Variants in RAPGEF1 observed in about 807,000 individuals in gnomAD.
RAPGEF1 encodes the protein Rap guanine nucleotide exchange factor 1.
A neutral mutation model predicts 143.3 loss-of-function variants in RAPGEF1; 33 were observed. That is an observed-to-expected ratio of 0.23 (90% CI 0.17 to 0.31). The LOEUF is 0.31. Among genes scored for constraint, RAPGEF1 ranks in the 10% least tolerant of loss-of-function variants. The probability of loss-of-function intolerance (pLI) is 1.00; values close to 1 mark genes in which losing one functional copy is unlikely to be tolerated. For synonymous variants in RAPGEF1, 629 were observed against 676.5 expected (o/e 0.93, Z 1.09); for missense variants, 1,199 against 1,645.4 (o/e 0.73, Z 4.69).
chr9:131,699,113 C>G (rs1209395949), intron 1 of RAPGEF1, among the ~76,000 whole-genome samples: 1 of 152,184 alleles, frequency 6.6e-6, no homozygotes, highest in Non-Finnish European at 1.5e-5. Context: ...CCGCAATACC[C>G]TTAACAACTA....
chr9:131,589,868 C>T lies in RAPGEF1; in HGVS notation c.2867+18G>A. The T allele has an allele frequency of 6.2e-7, 1 of 1,610,244 alleles. No individual in the cohort carries two copies. ...GCCTCCCCACTGGCCCCCAGGACCC[C>T]AAGGGTGAAGCACTCACCAGAGCTC... On this transcript the variant is annotated intron_variant, in intron 19 of 26. Transcript: ENST00000683357.
intron 10 of RAPGEF1, among the ~76,000 whole-genome samples, chr9:131,623,348 T>G (rs1961849100): frequency 6.6e-6 from 1 of 152,132 alleles, no homozygotes; most frequent in Admixed American, 6.5e-5. Context: ...GTGCCTATGG[T>G]CCCAGCTATT....
intron 22 of RAPGEF1, among the ~76,000 whole-genome samples, chr9:131,587,139 A>AACACACACACACAC (rs763365306): frequency 1.1e-5 from 1 of 87,756 alleles, no homozygotes; most frequent in African/African-American, 6.4e-5. Context: ...CTCCGTCTCA[A>AACACACACACACAC]ACACACACAC....
intron 1 of RAPGEF1, among the ~76,000 whole-genome samples, chr9:131,695,187 G>C (rs951976420): frequency 6.6e-6 from 1 of 152,140 alleles, no homozygotes; most frequent in Non-Finnish European, 1.5e-5. Flanking sequence ...ATGCATGAAC[G>C]TGCTTCTTCT....
intron 22 of RAPGEF1, among the ~76,000 whole-genome samples, chr9:131,586,368 A>C (rs55829207): frequency 0.17 from 14,857 of 86,742 alleles, 2,676 homozygotes; most frequent in East Asian, 0.23. Context: ...ACACACACAC[A>C]CACACCCACC....
chr9:131,700,432 C>G (rs1834543370), intron 1 of RAPGEF1, among the ~76,000 whole-genome samples: 1 of 152,198 alleles, frequency 6.6e-6, no homozygotes, highest in Non-Finnish European at 1.5e-5. Flanking sequence ...TGATACCTGT[C>G]ATCCAAAAGC....
chr9:131,658,834 G>A (rs1488329300), intron 1 of RAPGEF1, among the ~76,000 whole-genome samples: 2 of 152,218 alleles, frequency 1.3e-5, no homozygotes, highest in Non-Finnish European at 1.5e-5. Flanking sequence ...GCTTAACAAT[G>A]GTCTCTGCCT....
intron 1 of RAPGEF1, among the ~76,000 whole-genome samples, chr9:131,733,915 T>C (rs973470935): frequency 6.6e-6 from 1 of 152,232 alleles, no homozygotes; most frequent in Non-Finnish European, 1.5e-5. Context: ...TCAAACCGCC[T>C]CTGCCAACAG....
intron 1 of RAPGEF1, among the ~76,000 whole-genome samples, chr9:131,717,040 A>AGGGTCCCACAGCCTC (rs750673686): frequency 1.3e-5 from 2 of 152,108 alleles, no homozygotes; most frequent in African/African-American, 2.4e-5. Flanking sequence ...ATCAGTGTTG[A>AGGGTCCCACAGCCTC]GGGTCCCACA....
At chr9:131,718,152 C>A (rs920029610) in intron 1 of RAPGEF1, among the ~76,000 whole-genome samples, 3 of 152,162 alleles carry the variant, frequency 2.0e-5, no homozygotes, top group Non-Finnish European at 4.4e-5. Flanking sequence ...AGGTGCCCTA[C>A]AATATCTGGG....
rs1433854374 is a variant in RAPGEF1 at position 131,641,062 on chromosome 9, C to T, written c.494+2177G>A. Among the ~76,000 whole-genome samples the T allele has an allele frequency of 1.3e-5, 2 of 152,080 alleles. No individual in the cohort carries two copies. The highest frequency in any genetic ancestry group is 2.9e-5 in the Non-Finnish European group (2 of 68,018). ...CATTCAATGTCAATTAAGAGCCACC[C>T]CTCAATAGACAAAAAATACCCCCAG... On this transcript the variant is annotated intron_variant, in intron 4 of 26. Coordinates refer to ENST00000683357, the MANE Select transcript of RAPGEF1 (RefSeq NM_001377935.1). This position sits in a 1 kb window ranked among gnomAD's most constrained non-coding sequence, Gnocchi z 4.6.
rs534722324 is a variant in RAPGEF1 at position 131,584,276 on chromosome 9, A to C, written c.3414+35T>G. 92 of 1,556,322 alleles carry C rather than the reference A, an allele frequency of 5.9e-5. 2 individuals are homozygous for C. The South Asian group carries it at 9.6e-4, about 16-fold the overall frequency. ...TGAGGGCTGGGCGGCCCCCCTTACC[A>C]GCCACCCTCCCGCCCACGCCCCAAG... On this transcript the variant is annotated intron_variant, in intron 24 of 26. Coordinates refer to ENST00000683357, the MANE Select transcript of RAPGEF1 (RefSeq NM_001377935.1). This position sits in a 1 kb window ranked among gnomAD's most constrained non-coding sequence, Gnocchi z 6.8.
intron 1 of RAPGEF1, among the ~76,000 whole-genome samples, chr9:131,681,054 G>A (rs1353102603): frequency 6.6e-6 from 1 of 152,146 alleles, no homozygotes; most frequent in Non-Finnish European, 1.5e-5. Flanking sequence ...GTGTGGGGGT[G>A]TGGTTCGTCC....
chr9:131,596,371 A>G lies in RAPGEF1; in HGVS notation c.2616T>C (p.Gly872=). 1 of 1,613,942 alleles carries G rather than the reference A, an allele frequency of 6.2e-7. No individual in the cohort carries two copies. Among genetic ancestry groups the G allele is most frequent in the South Asian group, 1.1e-5 (1 of 91,072 alleles). The change falls in exon 17 of 27, where the codon GGT becomes GGC. Residue 872 remains glycine, a splice_region_variant and synonymous_variant. Transcript: ENST00000683357. Reference sequence around the variant, plus strand: ...CTCCGCGGACGTCCGGCCCGTCATCACCCTGTAATGAACACAGCCAAGGAA... The same window carrying G: ...CTCCGCGGACGTCCGGCCCGTCATCGCCCTGTAATGAACACAGCCAAGGAA... ...IMSRLTLKQE[G]DDGPDVRGGS...
rs1952474556 is a variant in RAPGEF1 at position 131,584,977 on chromosome 9, C to A, written c.3234-381G>T. ...GTGATGCAGGACTGGCTCGGGGAGA[C>A]CCGCTAGCACGTGAGGTAAGAGGTC... On this transcript the variant is annotated intron_variant, in intron 22 of 26. Transcript: ENST00000683357. The surrounding 1 kb of genome is among the most constrained non-coding windows in gnomAD (Gnocchi z 6.8). Among the ~76,000 whole-genome samples the A allele has an allele frequency of 6.6e-6, 1 of 152,166 alleles. No individual in the cohort carries two copies. The highest frequency in any genetic ancestry group is 6.6e-5 in the Admixed American group (1 of 15,266).
In RAPGEF1 at chr9:131,628,042, A is replaced by T. The variant is rs1423233918; in HGVS notation, c.1072T>A (p.Tyr358Asn). The T allele has an allele frequency of 1.3e-6, 2 of 1,566,858 alleles. No homozygotes were observed. The highest frequency in any genetic ancestry group is 1.7e-6 in the Non-Finnish European group (2 of 1,156,298). ...GAGAGGCGGGGCGACTCTCCACCAT[A>T]TGAGTGGCTGCCTCCTGACAGTCGC... is the stretch of plus-strand genomic sequence containing the variant. ...QRRLSGGSHS[Y>N]GGESPRLSPC... is the part of the protein sequence containing the mutation. Residue 358 changes from tyrosine to asparagine, a missense_variant, in exon 9 of 27, where the codon TAT (tyrosine) becomes AAT (asparagine). Physicochemically the swap from Tyr to Asn is moderately radical, Grantham distance 143. Coordinates refer to ENST00000683357, the MANE Select transcript of RAPGEF1 (RefSeq NM_001377935.1). This position sits in a 1 kb window ranked among gnomAD's most constrained non-coding sequence, Gnocchi z 5.7.
At chr9:131,613,027 G>A (rs539757104) in intron 12 of RAPGEF1, among the ~76,000 whole-genome samples, 23 of 152,300 alleles carry the variant, frequency 1.5e-4, no homozygotes, top group African/African-American at 5.5e-4. Context: ...CTGAGAAGAC[G>A]AACCGGAACA....
rs561177809 is a variant in RAPGEF1 at position 131,638,652 on chromosome 9, C to A, written c.634G>T (p.Val212Leu). The A allele has an allele frequency of 6.2e-7, 1 of 1,613,920 alleles. No individual in the cohort carries two copies. The highest frequency in any genetic ancestry group is 8.5e-7 in the Non-Finnish European group (1 of 1,179,888). ...ACCGGTACCTTCACTCCATCCAGCACAGCCTTGATGACCCCCTTCACAGTC... is the reference window on the plus strand; with the variant it reads ...ACCGGTACCTTCACTCCATCCAGCAAAGCCTTGATGACCCCCTTCACAGTC... ...VTTVKGVIKAVLDGVKELVRL... is the reference protein window; with the variant it reads ...VTTVKGVIKALLDGVKELVRL... The change falls in exon 5 of 27, where the codon GTG becomes TTG. Residue 212 changes from valine to leucine, a missense_variant. Val to Leu is a conservative substitution (Grantham distance 32). Coordinates refer to ENST00000683357, the MANE Select transcript of RAPGEF1 (RefSeq NM_001377935.1).
rs1315036054 is a variant in RAPGEF1, at chr9:131,719,883, TTTC to T, written c.61+19884_61+19886del. 5.8e-5 allele frequency among the ~76,000 whole-genome samples: 8 copies of T among 138,484 alleles called. No individual in the cohort carries two copies. In the East Asian group the frequency reaches 6.2e-4, roughly 11 times the overall value. The allele number at this position is 138,484 out of a possible 152,430, so 90.9% of individuals were successfully genotyped here. ...CAGCTATATTTTCTTCTTTTCTTTC[TTTC>T]TTTTTTTTTTTTTTTTGAGACAAGA... On this transcript the variant is annotated intron_variant, in intron 1 of 26. Transcript: ENST00000683357.
Sources: allele counts gnomAD v4.1 joint callset (sites outside exome capture counted in the v4.1 genomes callset), GRCh38; gene constraint gnomAD v4.1.1; non-coding constraint Gnocchi (gnomAD v3.1); transcripts MANE v1.5; gene names NCBI Gene and HGNC (gene_info 2026-07-23, HGNC 2026-07-21).